GALNT2: variants seen among roughly 807,000 people sequenced by gnomAD.
GALNT2 encodes polypeptide N-acetylgalactosaminyltransferase 2.
GALNT2 carries 31 observed loss-of-function variants against 81.4 expected under a neutral mutation model. The ratio of observed to expected loss-of-function variants is 0.38; its 90% CI spans 0.29 to 0.51. The LOEUF (loss-of-function observed/expected upper bound fraction) is 0.51, where lower values mean the gene tolerates loss of function less well. Among genes scored for constraint, GALNT2 ranks in the 20% least tolerant of loss-of-function variants. The pLI is 0.87. For synonymous variants in GALNT2, 303 were observed against 287.4 expected (o/e 1.05, Z -0.55); for missense variants, 629 against 765.7 (o/e 0.82, Z 2.11).
intron 3 of GALNT2, among the ~76,000 whole-genome samples, chr1:230,231,301 A>C (rs1400115272): frequency 6.6e-6 from 1 of 152,208 alleles, no homozygotes; most frequent in Non-Finnish European, 1.5e-5. Flanking sequence ...CAAGATCGTC[A>C]GGGCCATTTT....
chr1:230,236,495 A>G, intron 5 of GALNT2, 75 bp downstream of exon 5: 1 of 1,508,386 alleles, frequency 6.6e-7, no homozygotes, highest in Admixed American at 1.7e-5. Context: ...TGGGGGTGCT[A>G]ATGAGGCGTG....
chr1:230,250,683 T>G (rs1665518381), intron 10 of GALNT2, 123 bp downstream of exon 10: 1 of 631,862 alleles, frequency 1.6e-6, no homozygotes, highest in African/African-American at 1.9e-5. Context: ...AATCGATCCT[T>G]GCAAACACAT....
At chr1:230,160,857 C>T (rs536689433) in intron 1 of GALNT2, among the ~76,000 whole-genome samples, 2 of 151,350 alleles carry the variant, frequency 1.3e-5, no homozygotes, top group Admixed American at 1.3e-4. Context: ...GATATAATAC[C>T]CCAAATAGGG....
intron 3 of GALNT2, among the ~76,000 whole-genome samples, chr1:230,232,919 A>G (rs372900331): frequency 1.3e-5 from 2 of 152,258 alleles, no homozygotes; most frequent in South Asian, 4.2e-4. Context: ...CCCCCCAAAA[A>G]CTAGTATATT....
chr1:230,274,450 G>C lies in GALNT2; in HGVS notation c.1446G>C (p.Trp482Cys). The C allele has an allele frequency of 6.2e-7, 1 of 1,613,380 alleles. No individual in the cohort carries two copies. Among genetic ancestry groups the C allele is most frequent in the Non-Finnish European group, 8.5e-7 (1 of 1,179,624 alleles). The change falls in exon 15 of 16, where the codon TGG becomes TGC. Residue 482 changes from tryptophan to cysteine, a missense_variant. Coordinates refer to ENST00000366672, the MANE Select transcript of GALNT2 (RefSeq NM_004481.5). ...ECHNAGGNQE[W>C]ALTKEKSVKH... ...CTTCTGGTTTTGTGTTCCAGGAATGGGCCTTGACGAAGGAGAAGTCGGTGA... is the reference window on the plus strand; with the variant it reads ...CTTCTGGTTTTGTGTTCCAGGAATGCGCCTTGACGAAGGAGAAGTCGGTGA...
At chr1:230,178,507 G>T (rs1470254980) in intron 2 of GALNT2, among the ~76,000 whole-genome samples, 196 bp downstream of exon 2, 1 of 152,144 alleles carries the variant, frequency 6.6e-6, no homozygotes, top group Non-Finnish European at 1.5e-5. Flanking sequence ...TTTATAGGAG[G>T]TGACCAAAAT....
At chr1:230,076,683 A>G (rs888492387) in intron 1 of GALNT2, among the ~76,000 whole-genome samples, 1 of 152,140 alleles carries the variant, frequency 6.6e-6, no homozygotes, top group Non-Finnish European at 1.5e-5. Flanking sequence ...GAGGGCATGC[A>G]GGTGCTTTTC....
At chr1:230,129,490 T>A (rs1558098236) in intron 1 of GALNT2, among the ~76,000 whole-genome samples, 1 of 152,088 alleles carries the variant, frequency 6.6e-6, no homozygotes, top group Non-Finnish European at 1.5e-5. Flanking sequence ...GCTAACTTTT[T>A]AATTTTTTTT....
chr1:230,231,806 C>T (rs1664874018), intron 3 of GALNT2, among the ~76,000 whole-genome samples: 2 of 152,196 alleles, frequency 1.3e-5, no homozygotes, highest in Non-Finnish European at 2.9e-5. Flanking sequence ...CACATTAGCA[C>T]CAGAGCCTTG....
rs964566805 is a variant in GALNT2 at position 230,193,156 on chromosome 1, C to T, written c.221-9981C>T. 6.6e-6 allele frequency among the ~76,000 whole-genome samples: 1 copy of T among 152,264 alleles called. No homozygotes were observed. The highest frequency in any genetic ancestry group is 2.4e-5 in the African/African-American group (1 of 41,530). ...CTTTCCCAGCGGTTGCTCTGTTTTA[C>T]GTGGGGTAGCTTTAGATTTGTTTAA... On this transcript the variant is annotated intron_variant, in intron 2 of 15. Coordinates refer to ENST00000366672, the MANE Select transcript of GALNT2 (RefSeq NM_004481.5). The surrounding 1 kb of genome is among the most constrained non-coding windows in gnomAD (Gnocchi z 4.3).
At chr1:230,080,929 G>A (rs1389729195) in intron 1 of GALNT2, among the ~76,000 whole-genome samples, 2 of 152,186 alleles carry the variant, frequency 1.3e-5, no homozygotes, top group African/African-American at 4.8e-5. Flanking sequence ...AGGCGGGGAG[G>A]TGTTGACACG....
chr1:230,140,491 C>T (rs1016555060), intron 1 of GALNT2, among the ~76,000 whole-genome samples: 7 of 152,146 alleles, frequency 4.6e-5, no homozygotes, highest in Admixed American at 2.0e-4. Flanking sequence ...CACAGTGGAG[C>T]GTGACTTCCC....
At chr1:230,121,627 A>G (rs1661018067) in intron 1 of GALNT2, among the ~76,000 whole-genome samples, 1 of 152,228 alleles carries the variant, frequency 6.6e-6, no homozygotes, top group African/African-American at 2.4e-5. Flanking sequence ...CGAGGAGAAC[A>G]TCAGTGTCTG....
intron 1 of GALNT2, among the ~76,000 whole-genome samples, chr1:230,117,308 C>T (rs1660875774): frequency 6.6e-6 from 1 of 152,266 alleles, no homozygotes; most frequent in Non-Finnish European, 1.5e-5. Context: ...ACTGCTCACA[C>T]CTTCTCCGTA....
chr1:230,118,790 G>A lies in GALNT2; in HGVS notation c.126+51384G>A, dbSNP rs549586861. ...GTTCAGATGGCACCTCCTCTGTGAC[G>A]CCCTTCCTCTCATCCTACTAGCCCA... is the stretch of plus-strand genomic sequence containing the variant. On this transcript the variant is annotated intron_variant, in intron 1 of 15. Coordinates refer to ENST00000366672, the MANE Select transcript of GALNT2 (RefSeq NM_004481.5). Among the ~76,000 whole-genome samples, 311 of 152,090 alleles carry A rather than the reference G, an allele frequency of 2.0e-3. 1 individual carries two copies. The Middle Eastern group carries it at 0.024, about 12-fold the overall frequency.
In GALNT2 at chr1:230,257,475, C is replaced by A. The variant is rs1665748715; in HGVS notation, c.1136+2131C>A. Among the ~76,000 whole-genome samples the A allele has an allele frequency of 6.6e-6, 1 of 152,172 alleles. No homozygotes were observed. Among genetic ancestry groups the A allele is most frequent in the African/African-American group, 2.4e-5 (1 of 41,440 alleles). Reference sequence around the variant, plus strand: ...TTTGTTTAGATACACAAATACTTACCATTGTGTTACAGTTTCCTCCAGTGT... The same window carrying A: ...TTTGTTTAGATACACAAATACTTACAATTGTGTTACAGTTTCCTCCAGTGT... On this transcript the variant is annotated intron_variant, in intron 11 of 15. Coordinates refer to ENST00000366672, the MANE Select transcript of GALNT2 (RefSeq NM_004481.5). This position sits in a 1 kb window ranked among gnomAD's most constrained non-coding sequence, Gnocchi z 4.6.
chr1:230,141,788 C>CTTTTTTTTTTTTTTT (rs60824749), intron 1 of GALNT2, among the ~76,000 whole-genome samples: 1 of 101,326 alleles, frequency 9.9e-6, no homozygotes, highest in Non-Finnish European at 1.9e-5. Context: ...TTTTGTTTTC[C>CTTTTTTTTTTTTTTT]TTTTTTTTTT....
intron 14 of GALNT2, among the ~76,000 whole-genome samples, chr1:230,266,694 G>A (rs951018261): frequency 2.0e-5 from 3 of 152,218 alleles, no homozygotes; most frequent in Non-Finnish European, 4.4e-5. Context: ...CCTGGGGCTT[G>A]ACTGGGCCAG....
chr1:230,263,187 G>T, intron 13 of GALNT2, 182 bp downstream of exon 13: 2 of 603,034 alleles, frequency 3.3e-6, no homozygotes, highest in African/African-American at 3.7e-5. Flanking sequence ...AAGTTGGCCT[G>T]CTGCTGTCTC....
Sources: allele counts gnomAD v4.1 joint callset (sites outside exome capture counted in the v4.1 genomes callset), GRCh38; gene constraint gnomAD v4.1.1; non-coding constraint Gnocchi (gnomAD v3.1); transcripts MANE v1.5; gene names NCBI Gene and HGNC (gene_info 2026-07-23, HGNC 2026-07-21).